ADAMTS17: variants seen among roughly 807,000 people sequenced by gnomAD.
ADAMTS17 encodes the protein ADAM metallopeptidase with thrombospondin type 1 motif 17.
In ADAMTS17, 113 loss-of-function variants were observed where a neutral mutation model predicts 141.5. That is an observed-to-expected ratio of 0.80 (90% CI 0.69 to 0.93). ADAMTS17 has a LOEUF of 0.93. ADAMTS17 is among the 40% of genes least tolerant of loss of function. ADAMTS17 has a pLI of 0.00. For missense variants in ADAMTS17, 1,659 were observed against 1,517.9 expected (o/e 1.09, Z -1.54); for synonymous variants, 768 against 630.6 (o/e 1.22, Z -3.27).
chr15:100,175,076 C>A (rs549385438), intron 8 of ADAMTS17, among the ~76,000 whole-genome samples: 13 of 152,306 alleles, frequency 8.5e-5, no homozygotes, highest in Admixed American at 7.8e-4. Context: ...CTCACCCTCC[C>A]CTCGCAGCCT....
At chr15:100,171,292 T>TC (rs1450273472) in intron 8 of ADAMTS17, among the ~76,000 whole-genome samples, 1 of 152,132 alleles carries the variant, frequency 6.6e-6, no homozygotes, top group Non-Finnish European at 1.5e-5. Context: ...CTTCCTTCCT[T>TC]CTTTAAGACC....
At chr15:100,204,729 C>T (rs1403815897) in intron 7 of ADAMTS17, among the ~76,000 whole-genome samples, 1 of 152,110 alleles carries the variant, frequency 6.6e-6, no homozygotes, top group African/African-American at 2.4e-5. Context: ...GTAGACAAAG[C>T]CTTCTTAGCT....
chr15:100,029,160 G>A (rs2029886588), intron 18 of ADAMTS17, among the ~76,000 whole-genome samples: 1 of 152,108 alleles, frequency 6.6e-6, no homozygotes, highest in South Asian at 2.1e-4. Context: ...TGTCTTGTTG[G>A]GTCAGTTGTG....
intron 7 of ADAMTS17, among the ~76,000 whole-genome samples, chr15:100,209,234 T>C (rs1171800576): frequency 1.3e-5 from 2 of 152,122 alleles, no homozygotes; most frequent in Admixed American, 6.5e-5. Flanking sequence ...ATGTGGACTT[T>C]TAGTGAAACC....
chr15:100,036,217 G>C (rs1229834731), intron 18 of ADAMTS17, among the ~76,000 whole-genome samples: 1 of 152,254 alleles, frequency 6.6e-6, no homozygotes, highest in Non-Finnish European at 1.5e-5. Flanking sequence ...AGGGTGCAGA[G>C]AGGCAGCAAG....
At chr15:100,211,076 G>C (rs1052215637) in intron 7 of ADAMTS17, among the ~76,000 whole-genome samples, 13 of 149,006 alleles carry the variant, frequency 8.7e-5, no homozygotes, top group Non-Finnish European at 1.3e-4. Context: ...CTCCAGCCTG[G>C]GTGATAGAGC....
At chr15:100,015,375 A>G (rs1960795) in intron 18 of ADAMTS17, among the ~76,000 whole-genome samples, 23,997 of 151,956 alleles carry the variant, frequency 0.16, 2,665 homozygotes, top group African/African-American at 0.31. Flanking sequence ...GTACCGTTGC[A>G]TTTGTCATGC....
rs759891312 is a variant in ADAMTS17, at chr15:100,341,926, G to A, written c.-27C>T. 9.0e-6 allele frequency: 14 copies of A among 1,548,354 alleles called. No homozygotes were observed. In the South Asian group the frequency reaches 1.7e-4, roughly 18 times the overall value. On this transcript the variant is annotated 5_prime_UTR_variant, in exon 1 of 22. Transcript: ENST00000268070. ...GTACCCGGGACCGGCAGCCCCCCCG[G>A]ACCGTGGCGGCGAAGCAGGAGCGCG...
chr15:100,092,356 C>G (rs1399565765), intron 15 of ADAMTS17, among the ~76,000 whole-genome samples: 5 of 152,224 alleles, frequency 3.3e-5, no homozygotes, highest in Non-Finnish European at 5.9e-5. Flanking sequence ...AGAAAACACT[C>G]AGACGCGTGA....
intron 15 of ADAMTS17, among the ~76,000 whole-genome samples, chr15:100,061,139 T>C (rs527821459): frequency 2.0e-4 from 30 of 152,292 alleles, no homozygotes; most frequent in African/African-American, 6.7e-4. Context: ...CCGAAGTGCA[T>C]ACAACGTAGT....
chr15:100,311,044 G>A (rs2141858062), intron 3 of ADAMTS17, among the ~76,000 whole-genome samples: 1 of 152,354 alleles, frequency 6.6e-6, no homozygotes. Context: ...CATGTACTGA[G>A]AAGGCTAGAC....
intron 19 of ADAMTS17, among the ~76,000 whole-genome samples, chr15:99,996,054 AT>A (rs200543255): frequency 0.078 from 10,746 of 137,326 alleles, 1,081 homozygotes; most frequent in African/African-American, 0.25. Flanking sequence ...GTCTGAGTGG[AT>A]TTTTTTTTTT....
intron 10 of ADAMTS17, among the ~76,000 whole-genome samples, chr15:100,135,447 C>T (rs2038281441): frequency 2.0e-5 from 3 of 151,994 alleles, no homozygotes; most frequent in Admixed American, 2.0e-4. Context: ...CCACACCCGG[C>T]TAATTTTTTG....
At chr15:100,154,724 C>A (rs1186226435) in intron 9 of ADAMTS17, among the ~76,000 whole-genome samples, 1 of 152,192 alleles carries the variant, frequency 6.6e-6, no homozygotes, top group Non-Finnish European at 1.5e-5. Context: ...GTGAGATAAA[C>A]ACAGCCCTCC....
At chr15:100,338,246 T>A (rs2046263546) in intron 2 of ADAMTS17, among the ~76,000 whole-genome samples, 1 of 152,106 alleles carries the variant, frequency 6.6e-6, no homozygotes, top group Non-Finnish European at 1.5e-5. Context: ...TGCTTTACTC[T>A]CCATGGCCCC....
At chr15:100,071,258 T>C (rs57369319) in intron 15 of ADAMTS17, among the ~76,000 whole-genome samples, 6,494 of 149,786 alleles carry the variant, frequency 0.043, 773 homozygotes, top group African/African-American at 0.15. Flanking sequence ...TAATAGCTTA[T>C]CAACCAAAAA....
chr15:100,195,132 G>C (rs2041062116), intron 8 of ADAMTS17, among the ~76,000 whole-genome samples: 1 of 152,214 alleles, frequency 6.6e-6, no homozygotes, highest in African/African-American at 2.4e-5. Context: ...CAAGGGCACG[G>C]GTGTACATTT....
chr15:100,252,519 C>T (rs937429510), intron 7 of ADAMTS17, among the ~76,000 whole-genome samples: 2 of 152,154 alleles, frequency 1.3e-5, no homozygotes, highest in Non-Finnish European at 2.9e-5. Flanking sequence ...AGAGGCGCCC[C>T]GGACATGGGT....
rs185309742 is a variant in ADAMTS17 at position 100,278,281 on chromosome 15, A to G, written c.789+2948T>C. ...TTAGGCCACTGAGCTGGTCCACATAAAAATGGTTCAGACGGTGAATTTCGT... is the reference window on the plus strand; with the variant it reads ...TTAGGCCACTGAGCTGGTCCACATAGAAATGGTTCAGACGGTGAATTTCGT... On this transcript the variant is annotated intron_variant, in intron 4 of 21. Coordinates refer to ENST00000268070, the MANE Select transcript of ADAMTS17 (RefSeq NM_139057.4). Among the ~76,000 whole-genome samples, 9 of 152,212 alleles carry G rather than the reference A, an allele frequency of 5.9e-5. No homozygotes were observed. The East Asian group carries it at 1.7e-3, about 29-fold the overall frequency.
Sources: allele counts gnomAD v4.1 joint callset (sites outside exome capture counted in the v4.1 genomes callset), GRCh38; gene constraint gnomAD v4.1.1; transcripts MANE v1.5; gene names NCBI Gene and HGNC (gene_info 2026-07-23, HGNC 2026-07-21).